The following GRID2 variants were observed in gnomAD, a reference collection of about 807,000 sequenced individuals.
GRID2 encodes glutamate receptor ionotropic, delta-2.
Under a neutral mutation model 114.8 loss-of-function variants are expected in GRID2, and 33 were observed. That is an observed-to-expected ratio of 0.29 (90% CI 0.22 to 0.38). The LOEUF (loss-of-function observed/expected upper bound fraction) is 0.38. Ranked by LOEUF, GRID2 falls within the 10% of genes least tolerant of loss-of-function variation. GRID2 has a pLI of 1.00. For synonymous variants in GRID2, 505 were observed against 449.9 expected, an observed-to-expected ratio of 1.12 and a Z score of -1.55; for missense variants, 1,184 against 1,257.7, an observed-to-expected ratio of 0.94 and a Z score of 0.89.
intron 14 of GRID2, among the ~76,000 whole-genome samples, chr4:93,713,390 G>A (rs1728648952): frequency 6.6e-6 from 1 of 151,868 alleles, no homozygotes; most frequent in South Asian, 2.1e-4. Flanking sequence ...GGGGAGTTCA[G>A]GTGGACTTCA....
At chr4:93,652,784 T>TAAAAAAAAAA (rs200098114) in intron 14 of GRID2, among the ~76,000 whole-genome samples, 1 of 86,390 alleles carries the variant, frequency 1.2e-5, no homozygotes, top group Admixed American at 1.5e-4. Context: ...CAGTAAATGC[T>TAAAAAAAAAA]AAAAAAAAAA....
intron 1 of GRID2, among the ~76,000 whole-genome samples, chr4:92,571,433 G>A (rs1727614785): frequency 6.6e-6 from 1 of 152,042 alleles, no homozygotes; most frequent in Non-Finnish European, 1.5e-5. Context: ...CAATAATAAT[G>A]CGAGACTTTA....
rs1307576735 is a variant in GRID2 at position 93,772,679 on chromosome 4, C to A, written c.*181C>A. ...CTCTCCTCTATGATTTTCTCTCTTTCCCCCTCCCTTCCTGTACATTTTCCT... is the reference window on the plus strand; with the variant it reads ...CTCTCCTCTATGATTTTCTCTCTTTACCCCTCCCTTCCTGTACATTTTCCT... On this transcript the variant is annotated 3_prime_UTR_variant, in exon 16 of 16. Transcript: ENST00000282020. The A allele has an allele frequency of 4.0e-5, 22 of 545,114 alleles. No homozygotes were observed. The highest frequency in any genetic ancestry group is 6.1e-5 in the Non-Finnish European group (19 of 312,692). 33.8% of individuals were successfully genotyped at this position (545,114 alleles called of 1,614,324 possible).
intron 14 of GRID2, among the ~76,000 whole-genome samples, chr4:93,643,133 G>A (rs1252124875): frequency 3.9e-5 from 1 of 25,690 alleles, no homozygotes; most frequent in Non-Finnish European, 6.3e-5. Context: ...CATTCTTCAC[G>A]TAGTTCTCGA....
At chr4:93,697,869 G>GTGTATATA (rs1553986412) in intron 14 of GRID2, among the ~76,000 whole-genome samples, 8 of 122,658 alleles carry the variant, frequency 6.5e-5, no homozygotes, top group Non-Finnish European at 1.2e-4. Context: ...CACAATGTGT[G>GTGTATATA]TATATATATA....
chr4:92,954,577 C>T (rs1752254660), intron 2 of GRID2, among the ~76,000 whole-genome samples: 1 of 151,794 alleles, frequency 6.6e-6, no homozygotes. Context: ...CAGGTGCCAG[C>T]CACCATGCCC....
chr4:92,449,039 C>T (rs1720744628), intron 1 of GRID2, among the ~76,000 whole-genome samples: 2 of 151,982 alleles, frequency 1.3e-5, no homozygotes, highest in Non-Finnish European at 2.9e-5. Context: ...ATAAATATAA[C>T]TAGAAATTAT....
intron 1 of GRID2, among the ~76,000 whole-genome samples, chr4:92,418,950 T>A (rs1731754735): frequency 6.6e-6 from 1 of 151,838 alleles, no homozygotes; most frequent in South Asian, 2.1e-4. Context: ...ATTTGGAGGT[T>A]AATGTTGTAC....
At chr4:93,652,186 T>G (rs1487737295) in intron 14 of GRID2, among the ~76,000 whole-genome samples, 1 of 152,076 alleles carries the variant, frequency 6.6e-6, no homozygotes, top group African/African-American at 2.4e-5. Context: ...GACTTGTGTC[T>G]TTATAAGAAG....
intron 2 of GRID2, among the ~76,000 whole-genome samples, chr4:92,652,126 A>C (rs1731963793): frequency 6.6e-6 from 1 of 152,042 alleles, no homozygotes; most frequent in Admixed American, 6.6e-5. Context: ...GAGTCAGATA[A>C]CACTCAGTTT....
intron 2 of GRID2, among the ~76,000 whole-genome samples, chr4:92,740,749 T>C (rs2149331424): frequency 6.9e-6 from 1 of 145,278 alleles, no homozygotes; most frequent in African/African-American, 2.6e-5. Flanking sequence ...GATGGATAGA[T>C]AGATAGACAG....
chr4:93,331,129 C>A (rs559111922), intron 8 of GRID2, among the ~76,000 whole-genome samples: 123 of 145,494 alleles, frequency 8.5e-4, no homozygotes, highest in Middle Eastern at 3.5e-3. Context: ...CTATCTAACC[C>A]CCCCCCCATT....
chr4:93,573,067 G>A (rs1025615268), intron 13 of GRID2, among the ~76,000 whole-genome samples: 1 of 152,106 alleles, frequency 6.6e-6, no homozygotes, highest in African/African-American at 2.4e-5. Flanking sequence ...TTAGCACCTC[G>A]TGGAATACAC....
At chr4:92,914,028 T>C (rs1464427574) in intron 2 of GRID2, among the ~76,000 whole-genome samples, 1 of 152,130 alleles carries the variant, frequency 6.6e-6, no homozygotes, top group African/African-American at 2.4e-5. Flanking sequence ...GTCCAAAATA[T>C]ATTGTAGTTA....
At chr4:93,072,535 G>A (rs1728903183) in intron 2 of GRID2, among the ~76,000 whole-genome samples, 1 of 151,974 alleles carries the variant, frequency 6.6e-6, no homozygotes, top group South Asian at 2.1e-4. Flanking sequence ...TGGCTGCAGG[G>A]GACCAGGCAT....
intron 1 of GRID2, among the ~76,000 whole-genome samples, chr4:92,495,111 G>T (rs1372239517): frequency 6.6e-6 from 1 of 151,954 alleles, no homozygotes; most frequent in African/African-American, 2.4e-5. Context: ...CTATTATAAT[G>T]TGTTTCCAGT....
intron 2 of GRID2, among the ~76,000 whole-genome samples, chr4:92,814,342 G>A (rs1488931909): frequency 1.3e-5 from 2 of 152,082 alleles, no homozygotes; most frequent in African/African-American, 4.8e-5. Flanking sequence ...TAACTAAAGA[G>A]GAGTCTAAAG....
chr4:92,871,359 T>A (rs967465708), intron 2 of GRID2, among the ~76,000 whole-genome samples: 2 of 152,192 alleles, frequency 1.3e-5, no homozygotes, highest in Admixed American at 1.3e-4. Flanking sequence ...AGTAAATCTT[T>A]AGGCCTCAGA....
At chr4:93,808,549 T>C (rs1735075254) in exon 2 of GRID2, 1 of 152,202 alleles carries the variant, frequency 6.6e-6, no homozygotes, top group African/African-American at 2.4e-5. Flanking sequence ...AAGTGAATTG[T>C]ACAAAGAAGA....
Sources: allele counts gnomAD v4.1 joint callset (sites outside exome capture counted in the v4.1 genomes callset), GRCh38; gene constraint gnomAD v4.1.1; transcripts MANE v1.5; gene names NCBI Gene and HGNC (gene_info 2026-07-23, HGNC 2026-07-21).